Variants in COL24A1 observed in about 807,000 individuals in gnomAD.
COL24A1 encodes collagen type XXIV alpha 1 chain, also known as collagen alpha-1(XXIV) chain.
In COL24A1, 224 loss-of-function variants were observed where a neutral mutation model predicts 253.9. The ratio of observed to expected loss-of-function variants is 0.88; its 90% CI spans 0.79 to 0.99. The LOEUF (loss-of-function observed/expected upper bound fraction) is 0.99, where lower values mean the gene tolerates loss of function less well. COL24A1 is among the 50% of genes least tolerant of loss of function. The pLI is 0.00. For synonymous variants in COL24A1, 685 were observed against 673.7 expected (o/e 1.02, Z -0.26); for missense variants, 2,131 against 2,068.5 (o/e 1.03, Z -0.59).
intron 2 of COL24A1, among the ~76,000 whole-genome samples, chr1:86,134,604 G>A (rs1209372382): frequency 6.6e-6 from 1 of 151,152 alleles, no homozygotes; most frequent in Non-Finnish European, 1.5e-5. Flanking sequence ...ATTTCGGTAT[G>A]TACCCAGTAG....
chr1:85,907,187 T>C lies in COL24A1; in HGVS notation c.2778+7A>G. On this transcript the variant is annotated splice_region_variant and intron_variant, in intron 28 of 59. Coordinates refer to ENST00000370571, the MANE Select transcript of COL24A1 (RefSeq NM_152890.7). The stretch of plus-strand genomic sequence containing the variant: ...GGTTAATGTACTTTTTTCCTTAGAT[T>C]ACTTACTCTTTGTCCTTTAGGACCT... 2.5e-6 allele frequency: 4 copies of C among 1,609,848 alleles called. No individual in the cohort carries two copies. The highest frequency in any genetic ancestry group is 3.4e-6 in the Non-Finnish European group (4 of 1,176,820).
intron 19 of COL24A1, among the ~76,000 whole-genome samples, chr1:85,997,229 T>C (rs866518220): frequency 6.6e-6 from 1 of 151,586 alleles, no homozygotes; most frequent in African/African-American, 2.4e-5. Context: ...TTTTCAGCTG[T>C]GTAGGTGCCT....
At chr1:85,971,904 G>C (rs879428207) in intron 20 of COL24A1, among the ~76,000 whole-genome samples, 1 of 152,132 alleles carries the variant, frequency 6.6e-6, no homozygotes, top group African/African-American at 2.4e-5. Context: ...ATGATAAAAA[G>C]AGAAGAGGAA....
intron 3 of COL24A1, among the ~76,000 whole-genome samples, chr1:86,123,918 C>T (rs1037938756): frequency 6.6e-6 from 1 of 151,472 alleles, no homozygotes; most frequent in African/African-American, 2.4e-5. Flanking sequence ...TAGAGCTAAG[C>T]CAAAGACTCA....
intron 20 of COL24A1, among the ~76,000 whole-genome samples, chr1:85,972,641 G>A (rs1425368817): frequency 6.6e-6 from 1 of 152,148 alleles, no homozygotes; most frequent in Admixed American, 6.5e-5. Flanking sequence ...CACTTTTAGT[G>A]CACGTTGTTT....
chr1:85,785,856 G>T (rs948365345), intron 48 of COL24A1, among the ~76,000 whole-genome samples: 3 of 152,166 alleles, frequency 2.0e-5, no homozygotes, highest in African/African-American at 4.8e-5. Flanking sequence ...AAGAGGTTTT[G>T]TCTGGAAAGT....
At chr1:85,919,324 G>A (rs965939200) in intron 24 of COL24A1, among the ~76,000 whole-genome samples, 32 of 152,164 alleles carry the variant, frequency 2.1e-4, no homozygotes, top group African/African-American at 7.7e-4. Flanking sequence ...AGAAGCATGT[G>A]GTTTTCTCTA....
At chr1:85,833,299 G>C (rs1675566297) in intron 43 of COL24A1, among the ~76,000 whole-genome samples, 3 of 152,090 alleles carry the variant, frequency 2.0e-5, no homozygotes, top group Non-Finnish European at 4.4e-5. Flanking sequence ...TCAACAAGTG[G>C]GTGAAGGATA....
chr1:85,738,074 T>C (rs929111566), intron 57 of COL24A1, among the ~76,000 whole-genome samples: 1 of 152,206 alleles, frequency 6.6e-6, no homozygotes, highest in Admixed American at 6.5e-5. Context: ...GATAAAATGA[T>C]AGAATAGCTG....
At chr1:85,878,326 G>T (rs1681426814) in intron 32 of COL24A1, among the ~76,000 whole-genome samples, 1 of 152,184 alleles carries the variant, frequency 6.6e-6, no homozygotes, top group Admixed American at 6.5e-5. Context: ...CATGTTAGAA[G>T]AAATGAGCTA....
At chr1:86,062,644 A>G (rs1701175832) in intron 8 of COL24A1, among the ~76,000 whole-genome samples, 1 of 152,086 alleles carries the variant, frequency 6.6e-6, no homozygotes, top group South Asian at 2.1e-4. Context: ...CCAAAGCAGT[A>G]ACCTACAATT....
At chr1:86,070,364 A>C (rs1701789831) in intron 7 of COL24A1, among the ~76,000 whole-genome samples, 2 of 152,164 alleles carry the variant, frequency 1.3e-5, no homozygotes, top group South Asian at 4.1e-4. Flanking sequence ...AAAATCTGAG[A>C]GTTATTGGCC....
rs1377888238 is a variant in COL24A1, at chr1:85,849,859, C to T, written c.3301-453G>A. 2.6e-5 allele frequency among the ~76,000 whole-genome samples: 4 copies of T among 152,122 alleles called. No homozygotes were observed. In the East Asian group the frequency reaches 7.7e-4, roughly 29 times the overall value. On this transcript the variant is annotated intron_variant, in intron 37 of 59. Transcript: ENST00000370571. ...GGAAAGTACAGGACTTCTGCCTATC[C>T]AATGAAGTCTCCACACACATATGAA...
At chr1:85,812,596 T>G (rs1035896995) in intron 47 of COL24A1, among the ~76,000 whole-genome samples, 2 of 152,152 alleles carry the variant, frequency 1.3e-5, no homozygotes, top group African/African-American at 4.8e-5. Flanking sequence ...AAATAATGGG[T>G]TTGAAAGGCT....
intron 45 of COL24A1, among the ~76,000 whole-genome samples, chr1:85,820,732 T>C (rs1673535351): frequency 6.6e-6 from 1 of 152,204 alleles, no homozygotes; most frequent in South Asian, 2.1e-4. Flanking sequence ...TTACAGTACA[T>C]ATAAAATTGT....
intron 20 of COL24A1, 62 bp downstream of exon 20, chr1:85,987,539 T>C (rs1693828924): frequency 2.9e-6 from 4 of 1,373,040 alleles, no homozygotes; most frequent in African/African-American, 1.5e-5. Flanking sequence ...TTCCCATTTA[T>C]TGAGAATCAG....
intron 1 of COL24A1, among the ~76,000 whole-genome samples, chr1:86,147,847 C>T (rs1652126860): frequency 6.6e-6 from 1 of 152,156 alleles, no homozygotes; most frequent in Admixed American, 6.5e-5. Context: ...TGACATGACC[C>T]TAAAATATTA....
chr1:85,736,933 G>T (rs1235796658), intron 58 of COL24A1, among the ~76,000 whole-genome samples: 1 of 152,094 alleles, frequency 6.6e-6, no homozygotes, highest in Non-Finnish European at 1.5e-5. Context: ...GAAGTTTTTA[G>T]TAGTATTCTG....
intron 14 of COL24A1, among the ~76,000 whole-genome samples, chr1:86,029,160 A>AAAC (rs1553264069): frequency 6.6e-6 from 1 of 151,806 alleles, no homozygotes; most frequent in African/African-American, 2.4e-5. Context: ...GAAAAAAAAA[A>AAAC]ACATCACACA....
Sources: allele counts gnomAD v4.1 joint callset (sites outside exome capture counted in the v4.1 genomes callset), GRCh38; gene constraint gnomAD v4.1.1; transcripts MANE v1.5; gene names NCBI Gene and HGNC (gene_info 2026-07-23, HGNC 2026-07-21).